The following ZFYVE9 variants were observed in gnomAD, a reference collection of about 807,000 sequenced individuals.
ZFYVE9 encodes the protein zinc finger FYVE domain-containing protein 9.
In ZFYVE9, 43 loss-of-function variants were observed where a neutral mutation model predicts 126.7. The observed-to-expected ratio is 0.34, with a 90% CI of 0.27 to 0.44. ZFYVE9 has a LOEUF of 0.44. Ranked by LOEUF, ZFYVE9 falls within the 20% of genes least tolerant of loss-of-function variation. ZFYVE9 has a pLI of 1.00. For missense variants in ZFYVE9, 1,476 were observed against 1,697.0 expected, an observed-to-expected ratio of 0.87 and a Z score of 2.29; for synonymous variants, 521 against 597.4, an observed-to-expected ratio of 0.87 and a Z score of 1.87.
intron 1 of ZFYVE9, among the ~76,000 whole-genome samples, chr1:52,144,629 CTTT>C (rs199661772): frequency 5.1e-5 from 7 of 136,180 alleles, no homozygotes; most frequent in Non-Finnish European, 3.2e-5. Context: ...TCATTTCTTT[CTTT>C]TTTTTTTTTT....
intron 13 of ZFYVE9, among the ~76,000 whole-genome samples, chr1:52,321,335 C>A (rs149065006): frequency 6.6e-6 from 1 of 152,122 alleles, no homozygotes; most frequent in African/African-American, 2.4e-5. Flanking sequence ...GAATACATTT[C>A]TTTTAGGGAA....
intron 2 of ZFYVE9, among the ~76,000 whole-genome samples, chr1:52,232,749 A>T (rs1645235587): frequency 6.6e-6 from 1 of 151,132 alleles, no homozygotes; most frequent in Admixed American, 6.6e-5. Context: ...AAAAAAAAAA[A>T]AAAAAGGAAT....
chr1:52,219,019 G>T (rs1399333198), intron 2 of ZFYVE9, among the ~76,000 whole-genome samples: 4 of 152,210 alleles, frequency 2.6e-5, no homozygotes, highest in Non-Finnish European at 5.9e-5. Flanking sequence ...TGGAGGTAGG[G>T]TTTTAGGGCG....
chr1:52,193,574 G>T (rs974787587), intron 1 of ZFYVE9, among the ~76,000 whole-genome samples: 10 of 151,728 alleles, frequency 6.6e-5, no homozygotes, highest in African/African-American at 2.4e-4. Flanking sequence ...GGGCATGGTT[G>T]CAGGCGCCTG....
intron 8 of ZFYVE9, among the ~76,000 whole-genome samples, chr1:52,275,518 T>C (rs1288265863): frequency 6.6e-6 from 1 of 152,356 alleles, no homozygotes; most frequent in African/African-American, 2.4e-5. Context: ...AGTGTATACA[T>C]GTCCCCTTTT....
At chr1:52,247,266 A>G (rs1332024015) in intron 4 of ZFYVE9, among the ~76,000 whole-genome samples, 1 of 152,194 alleles carries the variant, frequency 6.6e-6, no homozygotes, top group Admixed American at 6.5e-5. Flanking sequence ...TAGCTAGAAA[A>G]TGTTTGCACT....
rs543044600 is a variant in ZFYVE9 at position 52,282,325 on chromosome 1, A to C, written c.3025+509A>C. ...AGGATATTAACATAAAAAGAAACTA[A>C]GATTGAGAGAAAAGAAACACATTAT... On this transcript the variant is annotated intron_variant, in intron 10 of 18. Transcript: ENST00000287727. Among the ~76,000 whole-genome samples, 10 of 152,340 alleles carry C rather than the reference A, an allele frequency of 6.6e-5. No individual in the cohort carries two copies. The East Asian group carries it at 1.9e-3, about 29-fold the overall frequency.
Position 52,268,559 on chromosome 1 carries a change from C to G in ZFYVE9, c.2552C>G (p.Thr851Ser). ...GCAGCCAAATTAACAATGAATGGAACTTCCTCTGCAGGAACCCTGGCTGTG... is the reference window on the plus strand; with the variant it reads ...GCAGCCAAATTAACAATGAATGGAAGTTCCTCTGCAGGAACCCTGGCTGTG... ...ADAAKLTMNG[T>S]SSAGTLAVSH... is the part of the protein sequence containing the mutation. Residue 851 changes from threonine (T) to serine (S), a missense_variant, in exon 7 of 19, where the codon ACT (threonine) becomes AGT (serine). Physicochemically the swap from Thr to Ser is moderately conservative, Grantham distance 58. Coordinates refer to ENST00000287727, the MANE Select transcript of ZFYVE9 (RefSeq NM_004799.4). The G allele has an allele frequency of 2.5e-6, 4 of 1,614,200 alleles. No individual in the cohort carries two copies. Among genetic ancestry groups the G allele is most frequent in the Non-Finnish European group, 3.4e-6 (4 of 1,180,034 alleles).
chr1:52,152,226 A>G (rs1418551584), intron 1 of ZFYVE9, among the ~76,000 whole-genome samples: 1 of 152,062 alleles, frequency 6.6e-6, no homozygotes, highest in African/African-American at 2.4e-5. Context: ...CTGACCTCAG[A>G]TGATCCACCT....
chr1:52,152,106 C>T (rs1050924175), intron 1 of ZFYVE9, among the ~76,000 whole-genome samples: 1 of 152,176 alleles, frequency 6.6e-6, no homozygotes, highest in Non-Finnish European at 1.5e-5. Context: ...TCTCCTGCCT[C>T]AGCCTCCTGA....
At chr1:52,287,281 T>A in intron 10 of ZFYVE9, among the ~76,000 whole-genome samples, 1 of 151,970 alleles carries the variant, frequency 6.6e-6, no homozygotes, top group Non-Finnish European at 1.5e-5. Context: ...TTGGAATAAT[T>A]TTTGTGTTTT....
In ZFYVE9 at chr1:52,195,659, T is replaced by G. The variant is rs1266215731; in HGVS notation, c.-142-20710T>G. Among the ~76,000 whole-genome samples, 3 of 111,580 alleles carry G rather than the reference T, an allele frequency of 2.7e-5. No homozygotes were observed. In the Admixed American group the frequency reaches 3.3e-4, roughly 12 times the overall value. The allele number at this position is 111,580 out of a possible 152,430, so 73.2% of individuals were successfully genotyped here. ...TAAATATTATTATTCCCTCTCTTCT[T>G]TTCTGCAAAATAGACACAGAGTGTT... On this transcript the variant is annotated intron_variant, in intron 1 of 18. Coordinates refer to ENST00000287727, the MANE Select transcript of ZFYVE9 (RefSeq NM_004799.4).
rs535303681 is a variant in ZFYVE9, at chr1:52,248,232, C to T, written c.2178+8637C>T. ...ATCTGAGGCCTAAGGCCTGAGAGACCCCCAGAAGGCTGCTAGTGCAAGTCT... is the reference window on the plus strand; with the variant it reads ...ATCTGAGGCCTAAGGCCTGAGAGACTCCCAGAAGGCTGCTAGTGCAAGTCT... On this transcript the variant is annotated intron_variant, in intron 4 of 18. Coordinates refer to ENST00000287727, the MANE Select transcript of ZFYVE9 (RefSeq NM_004799.4). Among the ~76,000 whole-genome samples, 82 of 152,194 alleles carry T rather than the reference C, an allele frequency of 5.4e-4. 1 individual carries two copies. The highest frequency in any genetic ancestry group is 5.9e-4 in the Non-Finnish European group (40 of 67,996).
At chr1:52,330,590 C>T (rs1312527679) in intron 13 of ZFYVE9, among the ~76,000 whole-genome samples, 6 of 152,122 alleles carry the variant, frequency 3.9e-5, no homozygotes, top group Non-Finnish European at 7.4e-5. Context: ...TGGGTGGGAG[C>T]GTCATTTAGC....
intron 4 of ZFYVE9, among the ~76,000 whole-genome samples, chr1:52,247,019 A>T (rs934149295): frequency 7.3e-5 from 11 of 151,720 alleles, no homozygotes; most frequent in Admixed American, 4.6e-4. Context: ...CTAATTTTTT[A>T]AAAAATTTAA....
intron 2 of ZFYVE9, among the ~76,000 whole-genome samples, chr1:52,224,622 G>A (rs1255312244): frequency 1.3e-5 from 2 of 152,086 alleles, no homozygotes; most frequent in African/African-American, 4.8e-5. Context: ...AAGGTCTGAG[G>A]GTGGGTTCCT....
intron 16 of ZFYVE9, among the ~76,000 whole-genome samples, chr1:52,339,415 AG>A (rs1323485074): frequency 1.3e-5 from 2 of 151,936 alleles, no homozygotes; most frequent in Non-Finnish European, 2.9e-5. Context: ...CAGCCTGCCC[AG>A]TAGCTGGGAT....
intron 8 of ZFYVE9, among the ~76,000 whole-genome samples, chr1:52,277,737 A>G (rs576951734): frequency 2.4e-4 from 36 of 152,304 alleles, no homozygotes; most frequent in Admixed American, 6.5e-4. Context: ...TAGGTTCTAC[A>G]GTGATTATTA....
intron 1 of ZFYVE9, among the ~76,000 whole-genome samples, chr1:52,154,793 C>G (rs949823146): frequency 6.6e-6 from 1 of 152,158 alleles, no homozygotes; most frequent in Non-Finnish European, 1.5e-5. Context: ...AAGATTTTCC[C>G]TTTTCATTGT....
Sources: allele counts gnomAD v4.1 joint callset (sites outside exome capture counted in the v4.1 genomes callset), GRCh38; gene constraint gnomAD v4.1.1; transcripts MANE v1.5; gene names NCBI Gene and HGNC (gene_info 2026-07-23, HGNC 2026-07-21).